Variants in JMY observed in about 807,000 individuals in gnomAD.
JMY encodes junction-mediating and -regulatory protein.
JMY carries 46 observed loss-of-function variants against 103.3 expected under a neutral mutation model. The ratio of observed to expected loss-of-function variants is 0.45; its 90% CI spans 0.35 to 0.57. The LOEUF is 0.57. JMY is among the 20% of genes least tolerant of loss of function. The probability of loss-of-function intolerance (pLI) is 0.00; values close to 1 mark genes in which losing one functional copy is unlikely to be tolerated. For synonymous variants in JMY, 526 were observed against 489.3 expected, an observed-to-expected ratio of 1.07 and a Z score of -0.99; for missense variants, 1,238 against 1,255.2, an observed-to-expected ratio of 0.99 and a Z score of 0.21.
At position 79,237,177 on chromosome 5, in the gene JMY, A is replaced by G; in HGVS notation, c.527A>G (p.Gln176Arg). 1.9e-6 allele frequency: 3 copies of G among 1,549,956 alleles called. No individual in the cohort carries two copies. Among genetic ancestry groups the G allele is most frequent in the Non-Finnish European group, 2.6e-6 (3 of 1,146,616 alleles). Reference sequence around the variant, plus strand: ...GCCCGGCCGGCGCCCAGAGAGGCCCAGGTGTCCTCTGTACGGATAGTGAGC... The same window carrying G: ...GCCCGGCCGGCGCCCAGAGAGGCCCGGGTGTCCTCTGTACGGATAGTGAGC... ...AAARPAPREA[Q>R]VSSVRIVSAS... Residue 176 changes from glutamine to arginine, a missense_variant, in exon 1 of 11, where the codon CAG becomes CGG. By Grantham distance (43) the Gln-to-Arg change is conservative (BLOSUM62 1). Coordinates refer to ENST00000396137, the MANE Select transcript of JMY (RefSeq NM_152405.5).
At chr5:79,251,122 A>G (rs1745072516) in intron 1 of JMY, among the ~76,000 whole-genome samples, 1 of 152,198 alleles carries the variant, frequency 6.6e-6, no homozygotes, top group South Asian at 2.1e-4. Flanking sequence ...AAAGATTGGA[A>G]AAAAGTCAAG....
At position 79,314,478 on chromosome 5, in the gene JMY, A is replaced by C; in HGVS notation, c.2286A>C (p.Ser762=). The change falls in exon 9 of 11, where the codon TCA becomes TCC. Residue 762 remains serine (S), a synonymous_variant. Transcript: ENST00000396137. The part of the protein sequence containing the change: ...PQSLVQLEDT[S]LTQLEATSLP... Reference sequence around the variant, plus strand: ...GCCTTGTGCAACTTGAAGATACTTCATTAACACAACTTGAAGCCACCTCAT... The same window carrying C: ...GCCTTGTGCAACTTGAAGATACTTCCTTAACACAACTTGAAGCCACCTCAT... The C allele has an allele frequency of 2.5e-6, 4 of 1,614,214 alleles. No individual in the cohort carries two copies. The highest frequency in any genetic ancestry group is 3.4e-6 in the Non-Finnish European group (4 of 1,180,032).
Position 79,236,791 on chromosome 5 carries a change from C to T in JMY, c.141C>T (p.His47=), listed in dbSNP as rs1671021731. The stretch of plus-strand genomic sequence containing the variant: ...AGGGCAAGTTTGCCATAACCTGCCA[C>T]AACCGGACGGCCCAGAGGCAGAGGA... ...EIEGKFAITC[H]NRTAQRQRSG... Residue 47 remains histidine (H), a synonymous_variant, in exon 1 of 11, where the codon CAC becomes CAT. Coordinates refer to ENST00000396137, the MANE Select transcript of JMY (RefSeq NM_152405.5). The T allele has an allele frequency of 1.3e-6, 2 of 1,511,022 alleles. No individual in the cohort carries two copies. The highest frequency in any genetic ancestry group is 1.4e-5 in the African/African-American group (1 of 69,088). The allele number at this position is 1,511,022 out of a possible 1,614,324, so 93.6% of individuals were successfully genotyped here. A position where few individuals can be genotyped will look rare whatever the true frequency, so the allele number is the denominator to read the frequency against.
intron 1 of JMY, among the ~76,000 whole-genome samples, chr5:79,275,492 CCTT>C (rs937067667): frequency 6.6e-6 from 1 of 152,104 alleles, no homozygotes; most frequent in African/African-American, 2.4e-5. Context: ...ATACCTCTCC[CCTT>C]CTTTTGGCAT....
chr5:79,247,419 C>G (rs1196397965), intron 1 of JMY, among the ~76,000 whole-genome samples: 1 of 152,074 alleles, frequency 6.6e-6, no homozygotes, highest in Non-Finnish European at 1.5e-5. Context: ...TCTCCCACTT[C>G]AACCTTGTAG....
At position 79,321,303 on chromosome 5, in the gene JMY, A is replaced by G. The variant is rs537874605; in HGVS notation, c.*4-303A>G. Among the ~76,000 whole-genome samples, 7 of 152,328 alleles carry G rather than the reference A, an allele frequency of 4.6e-5. No individual in the cohort carries two copies. In the South Asian group the frequency reaches 1.4e-3, roughly 32 times the overall value. ...GTTTCTACTGCATTTTGAAGACACC[A>G]TTTAGTTGTTCTTACTCTAGTAGCA... On this transcript the variant is annotated intron_variant, in intron 10 of 10. Transcript: ENST00000396137.
rs1244415301 is a variant in JMY at position 79,237,334 on chromosome 5, C to T, written c.684C>T (p.Ser228=). 4 of 1,596,582 alleles carry T rather than the reference C, an allele frequency of 2.5e-6. No individual in the cohort carries two copies. The highest frequency in any genetic ancestry group is 1.3e-5 in the African/African-American group (1 of 74,394). ...TGGAGTCTCCGGCCGAAGAGTGCAGCTGGGCCGGACTGTTTTCTTTCCAGG... is the reference window on the plus strand; with the variant it reads ...TGGAGTCTCCGGCCGAAGAGTGCAGTTGGGCCGGACTGTTTTCTTTCCAGG... ...TELESPAEEC[S]WAGLFSFQDL... is the part of the protein sequence containing the mutation. Residue 228 remains serine, a synonymous_variant, in exon 1 of 11, where the codon AGC becomes AGT. Coordinates refer to ENST00000396137, the MANE Select transcript of JMY (RefSeq NM_152405.5).
chr5:79,309,760 T>C (rs2112115245), intron 7 of JMY, among the ~76,000 whole-genome samples: 1 of 152,284 alleles, frequency 6.6e-6, no homozygotes, highest in South Asian at 2.1e-4. Context: ...TTAATTAATG[T>C]ACTTTTATTT....
At chr5:79,275,440 C>T (rs972267249) in intron 1 of JMY, among the ~76,000 whole-genome samples, 1 of 152,146 alleles carries the variant, frequency 6.6e-6, no homozygotes, top group Admixed American at 6.5e-5. Flanking sequence ...GGATTACAGG[C>T]GTGAGCCACC....
chr5:79,270,904 G>A (rs1432763906), intron 1 of JMY, among the ~76,000 whole-genome samples: 1 of 151,578 alleles, frequency 6.6e-6, no homozygotes, highest in Non-Finnish European at 1.5e-5. Flanking sequence ...TTCTTGTTTA[G>A]CCTGTTTTTG....
Position 79,302,745 on chromosome 5 carries a change from CA to C in JMY, c.1881+1883del, listed in dbSNP as rs1746775845. Among the ~76,000 whole-genome samples the C allele has an allele frequency of 1.3e-5, 2 of 152,130 alleles. 1 individual carries two copies. Among genetic ancestry groups the C allele is most frequent in the Admixed American group, 1.3e-4 (2 of 15,276 alleles). ...CAAAGGGGTAGTATGAACAGATTCA[CA>C]TTTTAGCAAGATAAGGCAGCATGAA... is the stretch of plus-strand genomic sequence containing the variant. On this transcript the variant is annotated intron_variant, in intron 6 of 10. Coordinates refer to ENST00000396137, the MANE Select transcript of JMY (RefSeq NM_152405.5).
At chr5:79,291,654 C>T (rs902617382) in intron 4 of JMY, among the ~76,000 whole-genome samples, 2 of 152,278 alleles carry the variant, frequency 1.3e-5, no homozygotes, top group South Asian at 4.1e-4. Flanking sequence ...AAGGCAGTGG[C>T]ATTTTGTTAG....
At chr5:79,278,783 G>A (rs928907497) in intron 2 of JMY, among the ~76,000 whole-genome samples, 1 of 148,160 alleles carries the variant, frequency 6.7e-6, no homozygotes, top group African/African-American at 2.5e-5. Context: ...AAAAAGTTTT[G>A]GGAACATTTC....
chr5:79,236,558 C>A lies in JMY; in HGVS notation c.-93C>A. ...CACTAAGATGGCTGAAGGCGCCCGG[C>A]GAGGGTGAGCGGGGGGCGCGGCGCA... On this transcript the variant is annotated 5_prime_UTR_variant, in exon 1 of 11. Coordinates refer to ENST00000396137, the MANE Select transcript of JMY (RefSeq NM_152405.5). 9.4e-7 allele frequency: 1 copy of A among 1,064,526 alleles called. No individual in the cohort carries two copies. The highest frequency in any genetic ancestry group is 1.2e-6 in the Non-Finnish European group (1 of 815,082). 65.9% of individuals were successfully genotyped at this position (1,064,526 alleles called of 1,614,324 possible).
intron 1 of JMY, among the ~76,000 whole-genome samples, chr5:79,251,437 A>G (rs1346807794): frequency 6.6e-6 from 1 of 151,958 alleles, no homozygotes; most frequent in East Asian, 1.9e-4. Context: ...GTAGGTGTAT[A>G]TATTTATGGA....
chr5:79,282,352 C>A (rs1021331335), intron 2 of JMY, among the ~76,000 whole-genome samples: 3 of 152,088 alleles, frequency 2.0e-5, no homozygotes, highest in Non-Finnish European at 2.9e-5. Flanking sequence ...TTCTTTAAAT[C>A]TAGATTTTAG....
chr5:79,288,748 A>G (rs1438909595), intron 2 of JMY, among the ~76,000 whole-genome samples: 1 of 143,834 alleles, frequency 7.0e-6, no homozygotes, highest in African/African-American at 2.6e-5. Context: ...GTTTGTTTTT[A>G]GTAGAGATGG....
At chr5:79,274,218 G>A (rs774581891) in intron 1 of JMY, among the ~76,000 whole-genome samples, 3 of 151,934 alleles carry the variant, frequency 2.0e-5, no homozygotes, top group African/African-American at 7.3e-5. Context: ...CCCATACAGC[G>A]AATTTTCTAT....
rs557996807 is a variant in JMY, at chr5:79,326,937, A to G, written c.*5335A>G. 1 of 152,352 alleles carries G rather than the reference A, an allele frequency of 6.6e-6. No individual in the cohort carries two copies. The highest frequency in any genetic ancestry group is 6.5e-5 in the Admixed American group (1 of 15,302). The allele number at this position is 152,352 out of a possible 1,614,324, so 9.4% of individuals were successfully genotyped here. On this transcript the variant is annotated 3_prime_UTR_variant, in exon 11 of 11. Coordinates refer to ENST00000396137, the MANE Select transcript of JMY (RefSeq NM_152405.5). Reference sequence around the variant, plus strand: ...ACATCCTAAAGTATTAAAAGTACAGAGGAAAAACTAAGCAAGCATTTATAG... The same window carrying G: ...ACATCCTAAAGTATTAAAAGTACAGGGGAAAAACTAAGCAAGCATTTATAG...
Sources: allele counts gnomAD v4.1 joint callset (sites outside exome capture counted in the v4.1 genomes callset), GRCh38; gene constraint gnomAD v4.1.1; transcripts MANE v1.5; gene names NCBI Gene and HGNC (gene_info 2026-07-23, HGNC 2026-07-21).